KCNN2: variants seen among roughly 807,000 people sequenced by gnomAD.
KCNN2 encodes potassium calcium-activated channel subfamily N member 2, also known as small conductance calcium-activated potassium channel protein 2.
Under a neutral mutation model 55.5 loss-of-function variants are expected in KCNN2, and 24 were observed. That is an observed-to-expected ratio of 0.43 (90% CI 0.31 to 0.61). KCNN2 has a LOEUF of 0.61. Among genes scored for constraint, KCNN2 ranks in the 20% least tolerant of loss-of-function variants. The probability of loss-of-function intolerance (pLI) is 0.08; values close to 1 mark genes in which losing one functional copy is unlikely to be tolerated. For missense variants in KCNN2, 754 were observed against 853.6 expected (o/e 0.88, Z 1.45); for synonymous variants, 431 against 336.1 (o/e 1.28, Z -3.09).
In KCNN2 at chr5:114,191,047, C is replaced by T. The variant is rs118005844; in HGVS notation, c.-270-30433C>T. Among the ~76,000 whole-genome samples, 435 of 152,212 alleles carry T rather than the reference C, an allele frequency of 2.9e-3. 13 individuals carry two copies. The East Asian group carries it at 0.07, about 25-fold the overall frequency. On this transcript the variant is annotated intron_variant, in intron 1 of 10. Transcript: ENST00000512097. ...ATGGAGTAGAAATGCTCAAATACATCCATGGTGATGATCCTTGATTCTTTG... is the reference window on the plus strand; with the variant it reads ...ATGGAGTAGAAATGCTCAAATACATTCATGGTGATGATCCTTGATTCTTTG...
intron 1 of KCNN2, among the ~76,000 whole-genome samples, chr5:114,166,414 A>G (rs2112537917): frequency 6.6e-6 from 1 of 152,270 alleles, no homozygotes; most frequent in Non-Finnish European, 1.5e-5. Flanking sequence ...TCTCTGATCA[A>G]CTTACTCTCT....
intron 1 of KCNN2, among the ~76,000 whole-genome samples, chr5:114,094,071 ATTTG>A (rs994969968): frequency 4.0e-5 from 6 of 151,832 alleles, no homozygotes; most frequent in Non-Finnish European, 7.4e-5. Flanking sequence ...GAATAAATAT[ATTTG>A]TTTGTTTGGG....
chr5:114,182,415 C>CA (rs763825257), intron 1 of KCNN2, among the ~76,000 whole-genome samples: 1 of 151,940 alleles, frequency 6.6e-6, no homozygotes, highest in African/African-American at 2.4e-5. Flanking sequence ...TTCAGTTTCA[C>CA]AAAAATAACT....
intron 1 of KCNN2, among the ~76,000 whole-genome samples, chr5:114,098,791 T>C (rs915264187): frequency 2.0e-5 from 3 of 152,134 alleles, no homozygotes; most frequent in African/African-American, 7.2e-5. Flanking sequence ...CTCCAATCTT[T>C]TTTTCCCTCT....
chr5:114,474,227 T>C (rs774301088), intron 5 of KCNN2, among the ~76,000 whole-genome samples: 2 of 152,328 alleles, frequency 1.3e-5, no homozygotes, highest in East Asian at 3.9e-4. Context: ...AGGCCAGTCA[T>C]TTTAATGCAA....
chr5:114,354,888 GAACAA>G (rs998224170), intron 2 of KCNN2, among the ~76,000 whole-genome samples: 2 of 152,032 alleles, frequency 1.3e-5, no homozygotes, highest in African/African-American at 4.8e-5. Flanking sequence ...AATTAAAACA[GAACAA>G]AAGTGCTAAT....
chr5:114,110,466 C>T (rs539337728), intron 1 of KCNN2, among the ~76,000 whole-genome samples: 20 of 152,062 alleles, frequency 1.3e-4, no homozygotes, highest in African/African-American at 2.4e-4. Context: ...CTTTAGAAAA[C>T]GGAATTAAAT....
intron 3 of KCNN2, among the ~76,000 whole-genome samples, chr5:114,426,285 A>G (rs1454277980): frequency 6.6e-6 from 1 of 152,210 alleles, no homozygotes; most frequent in Non-Finnish European, 1.5e-5. Context: ...TGTGTCTATC[A>G]AGATGCTTAT....
At chr5:114,411,770 C>T (rs1300947867) in intron 3 of KCNN2, among the ~76,000 whole-genome samples, 1 of 152,168 alleles carries the variant, frequency 6.6e-6, no homozygotes, top group African/African-American at 2.4e-5. Context: ...GGTGGATCTT[C>T]CTCACTCAGT....
chr5:114,143,750 T>C (rs1382065464), intron 1 of KCNN2, among the ~76,000 whole-genome samples: 2 of 152,212 alleles, frequency 1.3e-5, no homozygotes, highest in Non-Finnish European at 2.9e-5. Context: ...CAATCCTGCG[T>C]GCAACTTTGT....
At chr5:114,442,961 G>T (rs1444032677) in intron 3 of KCNN2, among the ~76,000 whole-genome samples, 2 of 120,170 alleles carry the variant, frequency 1.7e-5, no homozygotes, top group Non-Finnish European at 3.8e-5. Context: ...CAGCACAAGA[G>T]ATTTTTAAAG....
At chr5:114,395,387 C>CT (rs1193663061) in intron 2 of KCNN2, among the ~76,000 whole-genome samples, 1 of 152,198 alleles carries the variant, frequency 6.6e-6, no homozygotes, top group Non-Finnish European at 1.5e-5. Context: ...CTACAAGTTA[C>CT]TTTAGACCTC....
intron 3 of KCNN2, among the ~76,000 whole-genome samples, chr5:114,438,785 C>G (rs1024475434): frequency 1.3e-5 from 2 of 152,136 alleles, no homozygotes; most frequent in South Asian, 2.1e-4. Flanking sequence ...CTATTTTCCC[C>G]TATTTGCCTG....
At chr5:114,064,639 G>A (rs903156141) in intron 1 of KCNN2, among the ~76,000 whole-genome samples, 1 of 152,122 alleles carries the variant, frequency 6.6e-6, no homozygotes, top group East Asian at 1.9e-4. Flanking sequence ...ATTGACTTAG[G>A]TCATTTAGCT....
intron 1 of KCNN2, among the ~76,000 whole-genome samples, chr5:114,059,507 T>G (rs1283218325): frequency 6.6e-6 from 1 of 152,280 alleles, no homozygotes; most frequent in Admixed American, 6.5e-5. Context: ...AAATTATGTG[T>G]TTTTTCCCCT....
chr5:114,141,368 G>C (rs1417073479), intron 1 of KCNN2, among the ~76,000 whole-genome samples: 2 of 152,010 alleles, frequency 1.3e-5, no homozygotes, highest in Admixed American at 1.3e-4. Context: ...CTATGAGTGA[G>C]AACACGCGGA....
At chr5:114,129,795 C>T (rs571751294) in intron 1 of KCNN2, among the ~76,000 whole-genome samples, 25 of 152,350 alleles carry the variant, frequency 1.6e-4, no homozygotes, top group African/African-American at 3.8e-4. Flanking sequence ...ACTGTTGGCT[C>T]AGTGGCATGA....
At chr5:114,096,972 C>T (rs1049789643) in intron 1 of KCNN2, among the ~76,000 whole-genome samples, 3 of 150,694 alleles carry the variant, frequency 2.0e-5, no homozygotes, top group Non-Finnish European at 1.5e-5. Context: ...CACTGAGACT[C>T]AGAGACACCA....
At chr5:114,090,853 C>CT (rs1471682435) in intron 1 of KCNN2, among the ~76,000 whole-genome samples, 1 of 151,866 alleles carries the variant, frequency 6.6e-6, no homozygotes, top group Non-Finnish European at 1.5e-5. Flanking sequence ...GCCCCCCACC[C>CT]TTTTTTTAAA....
Sources: allele counts gnomAD v4.1 joint callset (sites outside exome capture counted in the v4.1 genomes callset), GRCh38; gene constraint gnomAD v4.1.1; transcripts MANE v1.5; gene names NCBI Gene and HGNC (gene_info 2026-07-23, HGNC 2026-07-21).